INPP4B: variants seen among roughly 807,000 people sequenced by gnomAD.
The protein encoded by INPP4B is inositol polyphosphate 4-phosphatase type II.
Under a neutral mutation model 122.5 loss-of-function variants are expected in INPP4B, and 55 were observed. The observed-to-expected ratio is 0.45, with a 90% CI of 0.36 to 0.56. INPP4B has a LOEUF of 0.56. Ranked by LOEUF, INPP4B falls within the 20% of genes least tolerant of loss-of-function variation. INPP4B has a pLI of 0.00. For missense variants in INPP4B, 1,000 were observed against 1,097.7 expected (o/e 0.91, Z 1.26); for synonymous variants, 403 against 388.7 (o/e 1.04, Z -0.43).
At chr4:142,148,366 A>G (rs1480314283) in intron 17 of INPP4B, among the ~76,000 whole-genome samples, 1 of 151,864 alleles carries the variant, frequency 6.6e-6, no homozygotes, top group Admixed American at 6.6e-5. Context: ...AGGCATGCCC[A>G]CCACGCCTAA....
At chr4:142,758,393 T>C (rs933591632) in intron 1 of INPP4B, among the ~76,000 whole-genome samples, 7 of 152,028 alleles carry the variant, frequency 4.6e-5, no homozygotes, top group Admixed American at 2.0e-4. Flanking sequence ...GATCAATAGA[T>C]AGAAAATTTT....
chr4:142,472,419 C>T (rs11930849), intron 2 of INPP4B, among the ~76,000 whole-genome samples: 8,160 of 152,002 alleles, frequency 0.054, 235 homozygotes, highest in Admixed American at 0.077. Context: ...TCAGTGATAC[C>T]GAACCCAGTA....
chr4:142,760,442 T>C (rs1045974137), intron 1 of INPP4B, among the ~76,000 whole-genome samples: 1 of 152,118 alleles, frequency 6.6e-6, no homozygotes, highest in African/African-American at 2.4e-5. Context: ...ATAGACAATT[T>C]ACATAAATGA....
chr4:142,253,693 C>T (rs950928785), intron 11 of INPP4B, among the ~76,000 whole-genome samples: 3 of 152,336 alleles, frequency 2.0e-5, no homozygotes, highest in East Asian at 1.9e-4. Flanking sequence ...GCACCTGGCT[C>T]GGAGGGTCCT....
chr4:142,429,948 T>C (rs1171718666), intron 4 of INPP4B, among the ~76,000 whole-genome samples: 1 of 152,082 alleles, frequency 6.6e-6, no homozygotes, highest in Non-Finnish European at 1.5e-5. Flanking sequence ...AGTGGATGAC[T>C]GGATGTATGA....
intron 8 of INPP4B, among the ~76,000 whole-genome samples, chr4:142,307,991 A>G (rs1453512264): frequency 6.6e-6 from 1 of 152,300 alleles, no homozygotes; most frequent in East Asian, 1.9e-4. Context: ...GACATAAACT[A>G]TGGACTCACC....
chr4:142,128,352 C>T (rs1465243269), intron 18 of INPP4B, among the ~76,000 whole-genome samples: 1 of 85,272 alleles, frequency 1.2e-5, no homozygotes, highest in Non-Finnish European at 2.7e-5. Context: ...TACACACACA[C>T]ACACACACAC....
chr4:142,342,839 T>G (rs1183347576), intron 7 of INPP4B, among the ~76,000 whole-genome samples: 1 of 152,144 alleles, frequency 6.6e-6, no homozygotes, highest in Admixed American at 6.5e-5. Context: ...CATTTTGATT[T>G]CAGATCATTT....
intron 25 of INPP4B, among the ~76,000 whole-genome samples, chr4:142,061,141 T>G (rs1271471841): frequency 1.3e-5 from 2 of 152,198 alleles, no homozygotes; most frequent in Non-Finnish European, 2.9e-5. Context: ...TTGGAAGTTA[T>G]GGGTTAACAG....
chr4:142,844,929 C>T (rs1485007287), intron 1 of INPP4B, among the ~76,000 whole-genome samples: 1 of 152,138 alleles, frequency 6.6e-6, no homozygotes, highest in Non-Finnish European at 1.5e-5. Flanking sequence ...CTTACAGAGC[C>T]ACACCTTTAT....
chr4:142,188,830 AG>A (rs1447479067), intron 15 of INPP4B, among the ~76,000 whole-genome samples: 3 of 152,320 alleles, frequency 2.0e-5, no homozygotes, highest in East Asian at 1.9e-4. Flanking sequence ...ACTAGTGATT[AG>A]TCTGCTCATT....
chr4:142,407,475 T>C (rs936483493), intron 5 of INPP4B, among the ~76,000 whole-genome samples: 1 of 152,138 alleles, frequency 6.6e-6, no homozygotes, highest in Non-Finnish European at 1.5e-5. Flanking sequence ...CTCACCCTCG[T>C]TCCCCATAAA....
chr4:142,607,177 C>A (rs958187381), intron 2 of INPP4B, among the ~76,000 whole-genome samples: 1 of 151,896 alleles, frequency 6.6e-6, no homozygotes, highest in Non-Finnish European at 1.5e-5. Context: ...GAAAGACAAA[C>A]TTTAATGCTG....
intron 12 of INPP4B, among the ~76,000 whole-genome samples, chr4:142,216,039 A>T (rs955031237): frequency 1.3e-4 from 19 of 151,840 alleles, no homozygotes; most frequent in South Asian, 4.2e-4. Flanking sequence ...TTTTAAATTC[A>T]TATAAAATAG....
At chr4:142,063,361 C>A (rs1761966127) in intron 25 of INPP4B, among the ~76,000 whole-genome samples, 1 of 152,142 alleles carries the variant, frequency 6.6e-6, no homozygotes, top group Non-Finnish European at 1.5e-5. Flanking sequence ...TTCACACATG[C>A]TTTTTACCTC....
chr4:142,168,280 C>CT (rs1823845223), intron 16 of INPP4B, among the ~76,000 whole-genome samples: 1 of 151,426 alleles, frequency 6.6e-6, no homozygotes, highest in African/African-American at 2.4e-5. Flanking sequence ...CCCTCTCTCC[C>CT]TTTTTTGTCA....
chr4:142,540,475 C>T (rs1408022021), intron 2 of INPP4B, among the ~76,000 whole-genome samples: 2 of 151,998 alleles, frequency 1.3e-5, no homozygotes, highest in Non-Finnish European at 2.9e-5. Flanking sequence ...ATCTAGCAAT[C>T]CTACTTCTAG....
At chr4:142,411,312 A>C (rs957573943) in intron 5 of INPP4B, among the ~76,000 whole-genome samples, 1 of 152,230 alleles carries the variant, frequency 6.6e-6, no homozygotes, top group African/African-American at 2.4e-5. Context: ...GATGTCCCAA[A>C]GGGTCAGGGA....
intron 7 of INPP4B, among the ~76,000 whole-genome samples, chr4:142,397,929 A>G (rs1299638573): frequency 6.6e-6 from 1 of 152,194 alleles, no homozygotes; most frequent in Non-Finnish European, 1.5e-5. Flanking sequence ...TAAAAGTGAG[A>G]GAAATCCTAT....
Sources: allele counts gnomAD v4.1 joint callset (sites outside exome capture counted in the v4.1 genomes callset), GRCh38; gene constraint gnomAD v4.1.1; transcripts MANE v1.5; gene names NCBI Gene and HGNC (gene_info 2026-07-23, HGNC 2026-07-21).